SCARA3: variants seen among roughly 807,000 people sequenced by gnomAD.
SCARA3 encodes scavenger receptor class A member 3.
In SCARA3, 39 loss-of-function variants were observed where a neutral mutation model predicts 47.0. That is an observed-to-expected ratio of 0.83 (90% CI 0.64 to 1.08). SCARA3 has a LOEUF of 1.08. SCARA3 is among the 50% of genes least tolerant of loss of function. SCARA3 has a pLI of 0.00. For missense variants in SCARA3, 724 were observed against 792.3 expected (o/e 0.91, Z 1.04); for synonymous variants, 356 against 334.1 (o/e 1.07, Z -0.71).
intron 1 of SCARA3, among the ~76,000 whole-genome samples, chr8:27,635,508 G>T (rs973506943): frequency 6.6e-6 from 1 of 152,122 alleles, no homozygotes; most frequent in Non-Finnish European, 1.5e-5. Flanking sequence ...GAGTGCAATG[G>T]CATGATCATA....
the SCARA3 span, among the ~76,000 whole-genome samples, chr8:27,687,281 C>A: frequency 1.3e-5 from 2 of 152,134 alleles, no homozygotes; most frequent in Non-Finnish European, 2.9e-5. Context: ...GGAGAGAAGA[C>A]CCTACCTCAG....
chr8:27,676,676 A>G (rs1802282964), downstream of SCARA3: 21 of 851,396 alleles, frequency 2.5e-5, no homozygotes, highest in South Asian at 1.4e-4. Flanking sequence ...CCTTAATGGT[A>G]AGCATCACCT....
chr8:27,644,029 T>C (rs1415474329), intron 1 of SCARA3, among the ~76,000 whole-genome samples: 1 of 151,910 alleles, frequency 6.6e-6, no homozygotes, highest in Non-Finnish European at 1.5e-5. Flanking sequence ...TGCCAAGGCA[T>C]GCACCCTCCA....
intron 5 of SCARA3, among the ~76,000 whole-genome samples, chr8:27,660,082 A>G (rs1268242552): frequency 6.6e-6 from 1 of 151,902 alleles, no homozygotes; most frequent in East Asian, 1.9e-4. Context: ...CCCCTCATTA[A>G]TGCTCCCAAC....
intron 5 of SCARA3, among the ~76,000 whole-genome samples, chr8:27,669,891 G>A (rs990872070): frequency 2.0e-5 from 3 of 152,170 alleles, no homozygotes; most frequent in Admixed American, 6.5e-5. Context: ...AACTGGGTAC[G>A]GCAGTGGAGG....
At chr8:27,667,624 G>A (rs1302416249) in intron 5 of SCARA3, among the ~76,000 whole-genome samples, 1 of 152,214 alleles carries the variant, frequency 6.6e-6, no homozygotes, top group Non-Finnish European at 1.5e-5. Context: ...TCTGTAAAAT[G>A]GAGCAACAGC....
chr8:27,713,923 T>G, the SCARA3 span, among the ~76,000 whole-genome samples: 2 of 152,276 alleles, frequency 1.3e-5, no homozygotes, highest in Admixed American at 1.3e-4. Flanking sequence ...TGGGGGCAGC[T>G]CCCTCATGGC....
At chr8:27,660,618 T>TAATA (rs1554539818) in intron 5 of SCARA3, among the ~76,000 whole-genome samples, 2 of 130,882 alleles carry the variant, frequency 1.5e-5, no homozygotes, top group South Asian at 5.5e-4. Context: ...TAGAGATAGA[T>TAATA]GATAGATAGA....
At chr8:27,706,672 AC>A in the SCARA3 span, among the ~76,000 whole-genome samples, 2 of 152,130 alleles carry the variant, frequency 1.3e-5, no homozygotes, top group Non-Finnish European at 2.9e-5. Flanking sequence ...GGCAGAGAAG[AC>A]AAAAGCAGGT....
chr8:27,725,799 A>G, the SCARA3 span, among the ~76,000 whole-genome samples: 1 of 152,128 alleles, frequency 6.6e-6, no homozygotes, highest in Non-Finnish European at 1.5e-5. Flanking sequence ...GTCAGAAGCC[A>G]TCCTCTGTCC....
chr8:27,637,662 T>C (rs952777764), intron 1 of SCARA3, among the ~76,000 whole-genome samples: 1 of 151,802 alleles, frequency 6.6e-6, no homozygotes, highest in African/African-American at 2.4e-5. Flanking sequence ...TTGACTGCGG[T>C]GGCCAGGGCA....
At chr8:27,639,743 C>T (rs755322010) in intron 1 of SCARA3, among the ~76,000 whole-genome samples, 1 of 152,096 alleles carries the variant, frequency 6.6e-6, no homozygotes, top group Non-Finnish European at 1.5e-5. Context: ...AGAAAATGAG[C>T]TTGTAAAGGA....
the SCARA3 span, among the ~76,000 whole-genome samples, chr8:27,706,949 G>A: frequency 6.6e-6 from 1 of 152,100 alleles, no homozygotes; most frequent in Non-Finnish European, 1.5e-5. Flanking sequence ...AGGATGGAAA[G>A]CCACCTATCT....
the SCARA3 span, among the ~76,000 whole-genome samples, chr8:27,706,139 G>A: frequency 4.6e-5 from 7 of 152,066 alleles, no homozygotes; most frequent in Non-Finnish European, 7.4e-5. Flanking sequence ...TAGCATGCTT[G>A]AGTTTATTTG....
At chr8:27,678,139 AT>A (rs1802305870), downstream of SCARA3, among the ~76,000 whole-genome samples, 1 of 152,216 alleles carries the variant, frequency 6.6e-6, no homozygotes, top group African/African-American at 2.4e-5. Context: ...TTAAAGTTTA[AT>A]ACAAGAAGGG....
chr8:27,703,971 G>A, the SCARA3 span, among the ~76,000 whole-genome samples: 1 of 151,074 alleles, frequency 6.6e-6, no homozygotes, highest in South Asian at 2.1e-4. Context: ...AGCAGGATGA[G>A]GGGCTGGCAT....
chr8:27,652,500 C>T (rs34470659), intron 3 of SCARA3, among the ~76,000 whole-genome samples: 189 of 152,292 alleles, frequency 1.2e-3, no homozygotes, highest in Non-Finnish European at 2.1e-3. Flanking sequence ...GTCGAGGCTC[C>T]GAGGGGGGCC....
At chr8:27,701,024 A>G in the SCARA3 span, among the ~76,000 whole-genome samples, 1 of 152,218 alleles carries the variant, frequency 6.6e-6, no homozygotes, top group Non-Finnish European at 1.5e-5. Flanking sequence ...AAAACTGGAA[A>G]CAAGTCAAAT....
rs1801274855 is a variant in SCARA3, at chr8:27,637,326, G to A, written c.7+3119G>A. 2.0e-5 allele frequency among the ~76,000 whole-genome samples: 3 copies of A among 152,250 alleles called. No homozygotes were observed. The South Asian group carries it at 6.2e-4, about 31-fold the overall frequency. ...AGGTGCCACCAGCCCCTTGGTGATA[G>A]GCCCACCTTGGAGCTTCCCACTGGC... On this transcript the variant is annotated intron_variant, in intron 1 of 5. Transcript: ENST00000301904.
Sources: gnomAD v4.1 joint callset for allele counts (sites outside exome capture counted in the v4.1 genomes callset) on GRCh38, gnomAD v4.1.1 for gene constraint, MANE v1.5 for transcripts, NCBI Gene and HGNC (gene_info 2026-07-23, HGNC 2026-07-21) for gene names.